The following POLR3E variants were observed in gnomAD, a reference collection of about 807,000 sequenced individuals.
The protein encoded by POLR3E is DNA-directed RNA polymerase III subunit RPC5.
In POLR3E, 41 loss-of-function variants were observed where a neutral mutation model predicts 96.6. That is an observed-to-expected ratio of 0.42 (90% CI 0.33 to 0.55). The LOEUF is 0.55. Ranked by LOEUF, POLR3E falls within the 20% of genes least tolerant of loss-of-function variation. The pLI is 0.06. For synonymous variants in POLR3E, 396 were observed against 383.6 expected, an observed-to-expected ratio of 1.03 and a Z score of -0.38; for missense variants, 849 against 952.1, an observed-to-expected ratio of 0.89 and a Z score of 1.43.
chr16:22,332,195 T>C lies in POLR3E; in HGVS notation c.2070+10T>C. 3 of 1,611,098 alleles carry C rather than the reference T, an allele frequency of 1.9e-6. No individual in the cohort carries two copies. The highest frequency in any genetic ancestry group is 2.5e-6 in the Non-Finnish European group (3 of 1,178,180). On this transcript the variant is annotated intron_variant, in intron 20 of 20. Coordinates refer to ENST00000299853, the MANE Select transcript of POLR3E (RefSeq NM_018119.4). ...GGATAAAGTACTAAAGGTACATCCA[T>C]TTTGTGCATAACAAACAATATCAAA...
In POLR3E at chr16:22,326,293, G is replaced by A; in HGVS notation, c.1866+15G>A. The A allele has an allele frequency of 1.5e-6, 1 of 654,508 alleles. No individual in the cohort carries two copies. The highest frequency in any genetic ancestry group is 1.5e-5 in the South Asian group (1 of 68,866). The allele number at this position is 654,508 out of a possible 1,614,324, so 40.5% of individuals were successfully genotyped here. ...TACTGGTGCCTGTAAGTAGAGCCCT[G>A]CCTGCCAGGGGCATGGGGGGTGGGG... On this transcript the variant is annotated intron_variant, in intron 18 of 20. Transcript: ENST00000299853.
At chr16:22,302,552 A>T in intron 1 of POLR3E, 1 of 175,242 alleles carries the variant, frequency 5.7e-6, no homozygotes. Flanking sequence ...AAGCGTCCCC[A>T]GGGCCCTCAG....
intron 18 of POLR3E, 111 bp from the exon 19 acceptor site, chr16:22,328,399 T>C (rs2048656493): frequency 1.1e-6 from 1 of 884,284 alleles, no homozygotes; most frequent in Non-Finnish European, 1.9e-6. Flanking sequence ...GAAGCTGGGA[T>C]TGGAACCCAT....
intron 14 of POLR3E, among the ~76,000 whole-genome samples, chr16:22,323,423 C>G (rs1413291391): frequency 1.3e-5 from 2 of 152,008 alleles, no homozygotes; most frequent in African/African-American, 2.4e-5. Flanking sequence ...TTCCCATCAC[C>G]CCACCCATGG....
intron 14 of POLR3E, among the ~76,000 whole-genome samples, chr16:22,323,968 G>A (rs1490641368): frequency 6.6e-6 from 1 of 152,158 alleles, no homozygotes; most frequent in African/African-American, 2.4e-5. Flanking sequence ...AAGGATGGGC[G>A]GCCTCCAACC....
intron 3 of POLR3E, among the ~76,000 whole-genome samples, chr16:22,307,494 G>A (rs1055212556): frequency 1.3e-5 from 2 of 152,092 alleles, no homozygotes; most frequent in African/African-American, 4.8e-5. Flanking sequence ...TCCTTCACCT[G>A]AGAGAGAGAG....
chr16:22,325,437 C>G, intron 17 of POLR3E, 171 bp downstream of exon 17: 1 of 667,666 alleles, frequency 1.5e-6, no homozygotes, highest in South Asian at 1.8e-5. Flanking sequence ...TGGTCGCTTG[C>G]CCAGCAGCAG....
chr16:22,331,650 A>C (rs956531443), intron 19 of POLR3E: 1 of 155,054 alleles, frequency 6.4e-6, no homozygotes, highest in Non-Finnish European at 1.4e-5. Flanking sequence ...AAGACTTCAC[A>C]CCAATTTTGA....
intron 1 of POLR3E, among the ~76,000 whole-genome samples, 181 bp downstream of exon 1, chr16:22,297,718 TCTGACTTCCTTGAC>T (rs1476457254): frequency 5.3e-5 from 8 of 152,228 alleles, no homozygotes; most frequent in Admixed American, 3.9e-4. Context: ...GACCCCGGAC[TCTGACTTCCTTGAC>T]CTGACACCTG....
chr16:22,324,686 C>T, intron 16 of POLR3E, 26 bp downstream of exon 16: 1 of 1,612,250 alleles, frequency 6.2e-7, no homozygotes, highest in Non-Finnish European at 8.5e-7. Flanking sequence ...CAGGGAGGGG[C>T]AGCCCGGTGA....
rs577653418 is a variant in POLR3E at position 22,300,726 on chromosome 16, A to G, written c.-38-2205A>G. 4.6e-5 allele frequency among the ~76,000 whole-genome samples: 7 copies of G among 152,270 alleles called. No individual in the cohort carries two copies. In the East Asian group the frequency reaches 1.4e-3, roughly 29 times the overall value. ...ACTCCTGATTTTCATTCCATCCTCC[A>G]TCTCTGGGACTGTTACGATAGCTGT... is the stretch of plus-strand genomic sequence containing the variant. On this transcript the variant is annotated intron_variant, in intron 1 of 20. Transcript: ENST00000299853.
rs2048106696 is a variant in POLR3E at position 22,305,098 on chromosome 16, C to T, written c.37-58C>T. 4.4e-6 allele frequency: 6 copies of T among 1,376,542 alleles called. No individual in the cohort carries two copies. In the Admixed American group the frequency reaches 8.4e-5, roughly 19 times the overall value. 85.3% of individuals were successfully genotyped at this position (1,376,542 alleles called of 1,614,324 possible). A position where few individuals can be genotyped will look rare whatever the true frequency, so the allele number is the denominator to read the frequency against. ...CTGAAGCTGGAAGCGCTGGCATAGC[C>T]CGGGGAGGTCAGCACTGTGTCCAGT... is the stretch of plus-strand genomic sequence containing the variant. On this transcript the variant is annotated intron_variant, in intron 2 of 20. Transcript: ENST00000299853.
In POLR3E at chr16:22,322,489, C is replaced by T. The variant is rs965095732; in HGVS notation, c.987-361C>T. On this transcript the variant is annotated intron_variant, in intron 13 of 20. Transcript: ENST00000299853. The surrounding 1 kb of genome is among the most constrained non-coding windows in gnomAD (Gnocchi z 5.2). ...TTCATCCCTGGTTCTCTTGGTGTCA[C>T]GTGCAGGGACCAGTTGTCTTCCAGA... Among the ~76,000 whole-genome samples the T allele has an allele frequency of 2.0e-5, 3 of 152,128 alleles. No homozygotes were observed. Among genetic ancestry groups the T allele is most frequent in the African/African-American group, 4.8e-5 (2 of 41,428 alleles).
chr16:22,325,118 C>CCTGGTTA (rs2048551847), intron 16 of POLR3E, 87 bp from the exon 17 acceptor site: 2 of 1,019,114 alleles, frequency 2.0e-6, no homozygotes, highest in Non-Finnish European at 3.1e-6. Context: ...ACCAGCGTGT[C>CCTGGTTA]CTGGGGCCTA....
rs546737182 is a variant in POLR3E at position 22,333,742 on chromosome 16, G to A, written c.*42G>A. 1.3e-5 allele frequency: 18 copies of A among 1,399,822 alleles called. No homozygotes were observed. The highest frequency in any genetic ancestry group is 1.3e-4 in the South Asian group (11 of 86,934). 86.7% of individuals were successfully genotyped at this position (1,399,822 alleles called of 1,614,324 possible). On this transcript the variant is annotated 3_prime_UTR_variant, in exon 21 of 21. Coordinates refer to ENST00000299853, the MANE Select transcript of POLR3E (RefSeq NM_018119.4). ...CTAACCCAGCAAATCTAAGCCCAAG[G>A]AAGAAGGGCGGAACCAGAAGTAGGG...
intron 13 of POLR3E, among the ~76,000 whole-genome samples, chr16:22,319,253 G>A (rs776758246): frequency 2.6e-5 from 4 of 152,110 alleles, no homozygotes; most frequent in Non-Finnish European, 5.9e-5. Flanking sequence ...GATTATAGGC[G>A]TGAGCCACCG....
chr16:22,327,878 T>C (rs2048637306), intron 18 of POLR3E: 6 of 152,326 alleles, frequency 3.9e-5, no homozygotes, highest in Admixed American at 3.9e-4. Flanking sequence ...GTAGTAACCA[T>C]TATTGCTACT....
chr16:22,318,995 G>A lies in POLR3E; in HGVS notation c.986+49G>A, dbSNP rs1466963015. ...ATTTTTATTTATTTTTTTCCTTGAG[G>A]CAGAGCTTCACTCTTGTTGCCCAGG... On this transcript the variant is annotated intron_variant, in intron 13 of 20. Transcript: ENST00000299853. This position sits in a 1 kb window ranked among gnomAD's most constrained non-coding sequence, Gnocchi z 5.0. 2 of 1,412,624 alleles carry A rather than the reference G, an allele frequency of 1.4e-6. No homozygotes were observed. Among genetic ancestry groups the A allele is most frequent in the Admixed American group, 2.0e-5 (1 of 50,450 alleles). The allele number at this position is 1,412,624 out of a possible 1,614,324, so 87.5% of individuals were successfully genotyped here.
intron 19 of POLR3E, among the ~76,000 whole-genome samples, chr16:22,329,293 T>G (rs1302149051): frequency 6.6e-6 from 1 of 152,072 alleles, no homozygotes; most frequent in Non-Finnish European, 1.5e-5. Flanking sequence ...ACTTTTAGGT[T>G]AAAGAAATTG....
Sources: allele counts gnomAD v4.1 joint callset (sites outside exome capture counted in the v4.1 genomes callset), GRCh38; gene constraint gnomAD v4.1.1; non-coding constraint Gnocchi (gnomAD v3.1); transcripts MANE v1.5; gene names NCBI Gene and HGNC (gene_info 2026-07-23, HGNC 2026-07-21).